CDIN1: variants seen among roughly 807,000 people sequenced by gnomAD.
The protein encoded by CDIN1 is CDAN1 interacting nuclease 1.
Under a neutral mutation model 45.3 loss-of-function variants are expected in CDIN1, and 33 were observed. That is an observed-to-expected ratio of 0.73 (90% CI 0.55 to 0.97). The LOEUF is 0.97. CDIN1 is among the 50% of genes least tolerant of loss of function. The pLI is 0.00. For missense variants in CDIN1, 303 were observed against 339.4 expected (o/e 0.89, Z 0.84); for synonymous variants, 118 against 124.4 (o/e 0.95, Z 0.34).
chr15:36,662,975 G>A (rs1167377075), intron 5 of CDIN1, among the ~76,000 whole-genome samples: 1 of 147,902 alleles, frequency 6.8e-6, no homozygotes, highest in African/African-American at 2.5e-5. Flanking sequence ...AAACGTTTAT[G>A]GAGCATTTCA....
At chr15:36,766,580 T>G (rs1344204764) in intron 10 of CDIN1, among the ~76,000 whole-genome samples, 1 of 152,218 alleles carries the variant, frequency 6.6e-6, no homozygotes, top group Non-Finnish European at 1.5e-5. Context: ...CTACCTTTTG[T>G]TTTATTTCTT....
At chr15:36,625,180 C>T (rs1309301904) in intron 1 of CDIN1, among the ~76,000 whole-genome samples, 3 of 151,692 alleles carry the variant, frequency 2.0e-5, no homozygotes, top group Non-Finnish European at 4.4e-5. Flanking sequence ...ACTTGGGAGG[C>T]TGAGGCAGGA....
intron 1 of CDIN1, among the ~76,000 whole-genome samples, chr15:36,624,096 A>G (rs566629731): frequency 3.3e-5 from 5 of 152,310 alleles, no homozygotes; most frequent in Admixed American, 3.3e-4. Flanking sequence ...ACTCTTTATT[A>G]GAGTTCAACA....
intron 9 of CDIN1, 99 bp downstream of exon 9, chr15:36,709,387 G>T: frequency 2.6e-6 from 2 of 757,218 alleles, no homozygotes; most frequent in East Asian, 3.0e-5. Flanking sequence ...TTATAAATGG[G>T]TGGATAATTG....
intron 10 of CDIN1, among the ~76,000 whole-genome samples, chr15:36,732,661 AGAATCT>A (rs1206958564): frequency 6.6e-6 from 1 of 152,110 alleles, no homozygotes; most frequent in Non-Finnish European, 1.5e-5. Context: ...AGAGGGATAT[AGAATCT>A]GGAAGATGGA....
intron 1 of CDIN1, chr15:36,618,676 A>G (rs1213458800): frequency 1.2e-6 from 1 of 812,916 alleles, no homozygotes; most frequent in East Asian, 2.4e-5. Flanking sequence ...AGATGAGCAG[A>G]CAGAATGCAC....
At chr15:36,664,707 T>C (rs1306485981) in intron 5 of CDIN1, among the ~76,000 whole-genome samples, 1 of 151,914 alleles carries the variant, frequency 6.6e-6, no homozygotes, top group Admixed American at 6.6e-5. Flanking sequence ...CCACCACGCT[T>C]GGCTAATTTT....
chr15:36,733,018 A>G (rs1456260658), intron 10 of CDIN1, among the ~76,000 whole-genome samples: 1 of 152,070 alleles, frequency 6.6e-6, no homozygotes, highest in Non-Finnish European at 1.5e-5. Flanking sequence ...TTATTAGCAT[A>G]CTTCTTTGTG....
At chr15:36,626,625 G>T in intron 1 of CDIN1, 1 of 311,064 alleles carries the variant, frequency 3.2e-6, no homozygotes. Flanking sequence ...CCACTTAAAT[G>T]CAGTTTCTTC....
At chr15:36,611,725 A>G (rs12443190) in intron 1 of CDIN1, among the ~76,000 whole-genome samples, 63,735 of 152,044 alleles carry the variant, frequency 0.42, 13,813 homozygotes, top group African/African-American at 0.51. Context: ...GGAATCGATC[A>G]TGTCTTGAAC....
chr15:36,792,397 T>C (rs940667972), intron 10 of CDIN1, among the ~76,000 whole-genome samples: 1 of 152,168 alleles, frequency 6.6e-6, no homozygotes, highest in East Asian at 1.9e-4. Context: ...AGTTTCTGTG[T>C]AACTCACTAA....
intron 10 of CDIN1, among the ~76,000 whole-genome samples, chr15:36,738,531 C>T (rs1000821668): frequency 6.6e-6 from 1 of 152,080 alleles, no homozygotes; most frequent in Non-Finnish European, 1.5e-5. Flanking sequence ...ACACACTCCC[C>T]GCTTACCCAC....
chr15:36,604,581 T>A (rs1443491493), intron 1 of CDIN1, among the ~76,000 whole-genome samples: 1 of 152,156 alleles, frequency 6.6e-6, no homozygotes, highest in African/African-American at 2.4e-5. Flanking sequence ...TATATTATTA[T>A]GTCAGCTGAC....
chr15:36,697,847 C>T (rs1282405975), intron 8 of CDIN1, among the ~76,000 whole-genome samples: 2 of 152,108 alleles, frequency 1.3e-5, no homozygotes, highest in African/African-American at 4.8e-5. Context: ...CGTTCATTGG[C>T]ATCATGGATT....
At chr15:36,728,337 C>G (rs574726973) in intron 10 of CDIN1, among the ~76,000 whole-genome samples, 113 of 152,176 alleles carry the variant, frequency 7.4e-4, no homozygotes, top group African/African-American at 2.6e-3. Context: ...TTCCCAGTAA[C>G]CAACATTAAA....
At chr15:36,643,254 G>T (rs1017900882) in intron 1 of CDIN1, among the ~76,000 whole-genome samples, 2 of 152,036 alleles carry the variant, frequency 1.3e-5, no homozygotes, top group Non-Finnish European at 2.9e-5. Flanking sequence ...AACCAAATTT[G>T]TAATGTCATC....
chr15:36,758,038 AAAC>A (rs1195798098), intron 10 of CDIN1, among the ~76,000 whole-genome samples: 1 of 152,090 alleles, frequency 6.6e-6, no homozygotes, highest in East Asian at 1.9e-4. Context: ...GTATAGGAAA[AAAC>A]ATAGTACATA....
chr15:36,650,031 G>A (rs2040507662), intron 3 of CDIN1, among the ~76,000 whole-genome samples: 1 of 152,194 alleles, frequency 6.6e-6, no homozygotes, highest in African/African-American at 2.4e-5. Context: ...TCATATTTAA[G>A]CCAACCTTTT....
chr15:36,696,884 G>A (rs540841128), intron 7 of CDIN1, among the ~76,000 whole-genome samples: 3 of 150,778 alleles, frequency 2.0e-5, no homozygotes, highest in South Asian at 2.1e-4. Context: ...GACTGAGGTC[G>A]GAGAATCACT....
Sources: allele counts gnomAD v4.1 joint callset (sites outside exome capture counted in the v4.1 genomes callset), GRCh38; gene constraint gnomAD v4.1.1; transcripts MANE v1.5; gene names NCBI Gene and HGNC (gene_info 2026-07-23, HGNC 2026-07-21).